The following COL13A1 variants were observed in gnomAD, a reference collection of about 807,000 sequenced individuals.
COL13A1 encodes collagen alpha-1(XIII) chain.
A neutral mutation model predicts 130.9 loss-of-function variants in COL13A1; 89 were observed. The ratio of observed to expected loss-of-function variants is 0.68; its 90% CI spans 0.57 to 0.81. The LOEUF (loss-of-function observed/expected upper bound fraction) is 0.81, where lower values mean the gene tolerates loss of function less well. Ranked by LOEUF, COL13A1 falls within the 30% of genes least tolerant of loss-of-function variation. The pLI is 0.00. For synonymous variants in COL13A1, 402 were observed against 341.6 expected (o/e 1.18, Z -1.95); for missense variants, 879 against 934.6 (o/e 0.94, Z 0.78).
At chr10:69,925,746 G>A in intron 25 of COL13A1, 58 bp from the exon 26 acceptor site, 3 of 1,361,286 alleles carry the variant, frequency 2.2e-6, no homozygotes, top group East Asian at 2.5e-5. Flanking sequence ...GCAGGCCACA[G>A]TTGCCCTCCC....
In COL13A1 at chr10:69,802,641, T is replaced by G; in HGVS notation, c.218T>G (p.Leu73Arg). 1 of 1,613,436 alleles carries G rather than the reference T, an allele frequency of 6.2e-7. No homozygotes were observed. The highest frequency in any genetic ancestry group is 8.5e-7 in the Non-Finnish European group (1 of 1,179,572). ...FRTAELQARVLRLEAERGEQQ... is the reference protein window; with the variant it reads ...FRTAELQARVRRLEAERGEQQ... ...ACGGCCGAGCTGCAGGCCCGGGTGCTGCGCCTGGAAGCGGAGCGCGGGGAG... is the reference window on the plus strand; with the variant it reads ...ACGGCCGAGCTGCAGGCCCGGGTGCGGCGCCTGGAAGCGGAGCGCGGGGAG... The change falls in exon 1 of 41, where the codon CTG becomes CGG. Residue 73 changes from leucine (L) to arginine (R), a missense_variant. Coordinates refer to ENST00000645393, the MANE Select transcript of COL13A1 (RefSeq NM_001368882.1).
chr10:69,943,055 C>A (rs1057086038), intron 35 of COL13A1, among the ~76,000 whole-genome samples: 1 of 152,202 alleles, frequency 6.6e-6, no homozygotes, highest in Non-Finnish European at 1.5e-5. Flanking sequence ...GCCATGTTGG[C>A]CAGACCGGTC....
intron 2 of COL13A1, among the ~76,000 whole-genome samples, chr10:69,866,508 G>A (rs1203445870): frequency 6.6e-6 from 1 of 152,176 alleles, no homozygotes; most frequent in Non-Finnish European, 1.5e-5. Context: ...GCGCTCAGGG[G>A]ATATTTTCAG....
chr10:69,880,510 C>T lies in COL13A1; in HGVS notation c.470C>T (p.Pro157Leu). Residue 157 changes from proline (P) to leucine (L), a missense_variant, in exon 7 of 41, where the codon CCC becomes CTC. Physicochemically the swap from Pro to Leu is moderately conservative, Grantham distance 98. Coordinates refer to ENST00000645393, the MANE Select transcript of COL13A1 (RefSeq NM_001368882.1). The part of the protein sequence containing the change: ...VKGQPGEKGS[P>L]GDAGLSIIGP... The stretch of plus-strand genomic sequence containing the variant: ...CTTCCTCTCTCCCCGCAGGGGTCCC[C>T]CGGAGACGCTGGGCTGTCCATCATT... 6.2e-7 allele frequency: 1 copy of T among 1,612,340 alleles called. No individual in the cohort carries two copies. Among genetic ancestry groups the T allele is most frequent in the South Asian group, 1.1e-5 (1 of 91,014 alleles).
At chr10:69,875,721 A>T (rs2059509688) in intron 5 of COL13A1, among the ~76,000 whole-genome samples, 1 of 152,242 alleles carries the variant, frequency 6.6e-6, no homozygotes, top group South Asian at 2.1e-4. Context: ...AGAAGGGGAG[A>T]TGAGAACGTT....
chr10:69,912,600 C>T (rs2135411669), intron 17 of COL13A1, among the ~76,000 whole-genome samples: 1 of 150,486 alleles, frequency 6.6e-6, no homozygotes, highest in South Asian at 2.2e-4. Flanking sequence ...GCGGGCCTTC[C>T]TCCTCCCTTA....
In COL13A1 at chr10:69,867,820, C is replaced by A. The variant is rs370489568; in HGVS notation, c.372+15C>A. 4 of 718,392 alleles carry A rather than the reference C, an allele frequency of 5.6e-6. No individual in the cohort carries two copies. The allele number at this position is 718,392 out of a possible 1,614,324, so 44.5% of individuals were successfully genotyped here. The stretch of plus-strand genomic sequence containing the variant: ...CAGGACCTCCTGTAAGTACTCAAGC[C>A]GAGGGTCTCGTGCATCTGAAAGGCC... On this transcript the variant is annotated intron_variant, in intron 3 of 40. Transcript: ENST00000645393.
At chr10:69,839,840 TC>T (rs1196512103) in intron 2 of COL13A1, among the ~76,000 whole-genome samples, 3 of 152,128 alleles carry the variant, frequency 2.0e-5, no homozygotes, top group African/African-American at 7.2e-5. Context: ...CTGTGGCGCC[TC>T]GTGTGACTCT....
At chr10:69,927,296 G>T (rs550678492) in intron 27 of COL13A1, among the ~76,000 whole-genome samples, 186 bp downstream of exon 27, 38 of 152,256 alleles carry the variant, frequency 2.5e-4, no homozygotes, top group Admixed American at 1.2e-3. Flanking sequence ...ACTGGTAGGT[G>T]GGCCTCGAGA....
In COL13A1 at chr10:69,930,341, C is replaced by T. The variant is rs954449770; in HGVS notation, c.1531-59C>T. The stretch of plus-strand genomic sequence containing the variant: ...GCCTTTGGACTTTTCTACTCTCTCT[C>T]CCTCTCTCCTCTTTTCTCCATTAAT... On this transcript the variant is annotated intron_variant, in intron 29 of 40. Transcript: ENST00000645393. 4 of 1,485,412 alleles carry T rather than the reference C, an allele frequency of 2.7e-6. No individual in the cohort carries two copies. In the African/African-American group the frequency reaches 4.2e-5, roughly 16 times the overall value. The allele number at this position is 1,485,412 out of a possible 1,614,324, so 92.0% of individuals were successfully genotyped here. A position where few individuals can be genotyped will look rare whatever the true frequency, so the allele number is the denominator to read the frequency against.
chr10:69,827,311 G>T (rs1296239497), intron 2 of COL13A1, among the ~76,000 whole-genome samples: 3 of 152,224 alleles, frequency 2.0e-5, no homozygotes, highest in East Asian at 3.8e-4. Flanking sequence ...GGAGGCAAAT[G>T]ATTTCATCCA....
At chr10:69,935,929 TG>T (rs1320368574) in intron 32 of COL13A1, among the ~76,000 whole-genome samples, 1 of 151,250 alleles carries the variant, frequency 6.6e-6, no homozygotes, top group Non-Finnish European at 1.5e-5. Context: ...GAGAATCACC[TG>T]GGCCCCAGAG....
chr10:69,858,485 A>G (rs1251000298), intron 2 of COL13A1, among the ~76,000 whole-genome samples: 1 of 152,238 alleles, frequency 6.6e-6, no homozygotes, highest in Non-Finnish European at 1.5e-5. Context: ...TCCAAAGCCT[A>G]TGCTCTTGTC....
intron 2 of COL13A1, among the ~76,000 whole-genome samples, chr10:69,854,625 A>T (rs1855887470): frequency 6.6e-6 from 1 of 151,842 alleles, no homozygotes; most frequent in Non-Finnish European, 1.5e-5. Flanking sequence ...GAGGTTCTAC[A>T]TCCTCAGTTA....
At chr10:69,930,294 A>G (rs2065941128) in intron 29 of COL13A1, 106 bp from the exon 30 acceptor site, 2 of 1,193,574 alleles carry the variant, frequency 1.7e-6, no homozygotes, top group South Asian at 1.6e-5. Flanking sequence ...TGCCTGCCCC[A>G]GACAAGCACC....
chr10:69,932,681 A>G, intron 31 of COL13A1, 77 bp downstream of exon 31: 7 of 992,136 alleles, frequency 7.1e-6, no homozygotes, highest in South Asian at 1.4e-5. Flanking sequence ...GTGCTTTAGA[A>G]TGAAGCTTGC....
At chr10:69,825,596 C>A (rs375356497) in intron 2 of COL13A1, among the ~76,000 whole-genome samples, 22 of 152,184 alleles carry the variant, frequency 1.4e-4, no homozygotes, top group Non-Finnish European at 2.9e-4. Flanking sequence ...GCTATTGGGA[C>A]AAAACAAACA....
chr10:69,860,591 G>T, intron 2 of COL13A1: 1 of 159,010 alleles, frequency 6.3e-6, no homozygotes, highest in Non-Finnish European at 1.4e-5. Context: ...GGTGGGGGAG[G>T]GGCACGGGGG....
chr10:69,944,315 G>A, intron 36 of COL13A1, 137 bp downstream of exon 36: 2 of 767,126 alleles, frequency 2.6e-6, no homozygotes, highest in Non-Finnish European at 4.4e-6. Flanking sequence ...CCTGGGACAG[G>A]GGGTGCTGGT....
Sources: allele counts gnomAD v4.1 joint callset (sites outside exome capture counted in the v4.1 genomes callset), GRCh38; gene constraint gnomAD v4.1.1; transcripts MANE v1.5; gene names NCBI Gene and HGNC (gene_info 2026-07-23, HGNC 2026-07-21).